LHPP: variants seen among roughly 807,000 people sequenced by gnomAD.
LHPP encodes phospholysine phosphohistidine inorganic pyrophosphate phosphatase, also known as hLHPP.
A neutral mutation model predicts 30.3 loss-of-function variants in LHPP; 24 were observed. The ratio of observed to expected loss-of-function variants is 0.79; its 90% CI spans 0.57 to 1.11. LHPP has a LOEUF of 1.11. Among genes scored for constraint, LHPP ranks in the 50% most tolerant of loss-of-function variants. The probability of loss-of-function intolerance (pLI) is 0.00; values close to 1 mark genes in which losing one functional copy is unlikely to be tolerated. For missense variants in LHPP, 356 were observed against 367.2 expected (o/e 0.97, Z 0.25); for synonymous variants, 150 against 157.1 (o/e 0.95, Z 0.34).
chr10:124,480,075 G>A (rs547739112), intron 1 of LHPP, among the ~76,000 whole-genome samples: 1 of 152,316 alleles, frequency 6.6e-6, no homozygotes, highest in East Asian at 1.9e-4. Flanking sequence ...GCAAGGCTCA[G>A]TATAATGTTG....
intron 1 of LHPP, among the ~76,000 whole-genome samples, chr10:124,482,992 G>A (rs1953190965): frequency 6.6e-6 from 1 of 152,218 alleles, no homozygotes; most frequent in African/African-American, 2.4e-5. Context: ...CAGGCACGTA[G>A]TAGGCGCTCA....
intron 1 of LHPP, among the ~76,000 whole-genome samples, chr10:124,464,194 A>C (rs1952493193): frequency 6.6e-6 from 1 of 152,210 alleles, no homozygotes; most frequent in African/African-American, 2.4e-5. Flanking sequence ...ATCCCAGGTC[A>C]GCACTGCCAT....
chr10:124,546,549 CCTG>C (rs1955347291), intron 6 of LHPP, among the ~76,000 whole-genome samples: 1 of 152,118 alleles, frequency 6.6e-6, no homozygotes, highest in Non-Finnish European at 1.5e-5. Context: ...ACTACAGGTG[CCTG>C]CCACCACGCC....
At position 124,537,707 on chromosome 10, in the gene LHPP, C is replaced by G. The variant is rs575360593; in HGVS notation, c.716+20436C>G. 1.6e-4 allele frequency among the ~76,000 whole-genome samples: 25 copies of G among 152,372 alleles called. No individual in the cohort carries two copies. The South Asian group carries it at 5.0e-3, about 30-fold the overall frequency. ...GCCAGAAAGCCAGGTGGCCCAGGAG[C>G]TGGCTTCCCCATTTCCTGCTCCTGT... On this transcript the variant is annotated intron_variant, in intron 6 of 6. Transcript: ENST00000368842.
intron 1 of LHPP, among the ~76,000 whole-genome samples, chr10:124,473,302 C>T (rs1360619228): frequency 2.0e-5 from 3 of 152,168 alleles, no homozygotes; most frequent in African/African-American, 4.8e-5. Flanking sequence ...ATTTCCCAGG[C>T]CCCCGGCAAC....
chr10:124,610,443 C>CGGGTGAGGGTGAGGGTGA (rs759692287), intron 6 of LHPP, among the ~76,000 whole-genome samples: 1 of 42,920 alleles, frequency 2.3e-5, no homozygotes, highest in East Asian at 6.9e-4. Flanking sequence ...GCTGATGCAG[C>CGGGTGAGGGTGAGGGTGA]GGGTGAGGGT....
At chr10:124,611,876 C>A (rs1208064500) in intron 6 of LHPP, among the ~76,000 whole-genome samples, 2 of 152,206 alleles carry the variant, frequency 1.3e-5, no homozygotes, top group South Asian at 4.1e-4. Context: ...GCGCTGCTGC[C>A]GGGAGACTGT....
At chr10:124,535,296 C>G (rs1954996543) in intron 6 of LHPP, among the ~76,000 whole-genome samples, 1 of 152,196 alleles carries the variant, frequency 6.6e-6, no homozygotes, top group African/African-American at 2.4e-5. Context: ...GCCTTTGAAC[C>G]CTGGGAGTCG....
At chr10:124,567,232 T>C (rs1360323751) in intron 6 of LHPP, among the ~76,000 whole-genome samples, 1 of 152,246 alleles carries the variant, frequency 6.6e-6, no homozygotes, top group African/African-American at 2.4e-5. Flanking sequence ...AAGCTCCAGG[T>C]GGGCAGGCCT....
chr10:124,570,201 C>G (rs181308289), intron 6 of LHPP, among the ~76,000 whole-genome samples: 1,736 of 152,314 alleles, frequency 0.011, 147 homozygotes, highest in Admixed American at 0.11. Flanking sequence ...TCTCTGTCCC[C>G]ATGGCACCCA....
chr10:124,546,961 C>T (rs540609287), intron 6 of LHPP, among the ~76,000 whole-genome samples: 7 of 152,284 alleles, frequency 4.6e-5, no homozygotes, highest in South Asian at 4.2e-4. Context: ...GCACCTCTCC[C>T]GCTCTTAACC....
intron 6 of LHPP, among the ~76,000 whole-genome samples, chr10:124,521,503 A>G (rs377536974): frequency 3.1e-4 from 47 of 152,324 alleles, no homozygotes; most frequent in Middle Eastern, 3.4e-3. Context: ...ACAGGGGCCA[A>G]TGACCACTGG....
intron 5 of LHPP, among the ~76,000 whole-genome samples, chr10:124,504,853 G>A (rs73365862): frequency 0.13 from 19,916 of 152,106 alleles, 1,686 homozygotes; most frequent in East Asian, 0.27. Context: ...CCTCATGGGG[G>A]TCTGGTGAAT....
intron 6 of LHPP, among the ~76,000 whole-genome samples, chr10:124,602,415 A>G (rs1399810978): frequency 6.6e-6 from 1 of 152,240 alleles, no homozygotes; most frequent in African/African-American, 2.4e-5. Context: ...TCTGCTAGCT[A>G]GAGGAGCCTC....
At chr10:124,490,260 C>A in intron 3 of LHPP, 1 of 197,960 alleles carries the variant, frequency 5.1e-6, no homozygotes, top group South Asian at 8.2e-5. Context: ...ACGCTCCAGA[C>A]CTTTAGGCCG....
Position 124,498,071 on chromosome 10 carries a change from GC to G in LHPP, c.569del (p.Pro190LeufsTer13). 1.2e-6 allele frequency: 2 copies of G among 1,614,234 alleles called. No homozygotes were observed. The highest frequency in any genetic ancestry group is 1.7e-6 in the Non-Finnish European group (2 of 1,180,038). On this transcript the variant is annotated frameshift_variant, in exon 5 of 7. Coordinates refer to ENST00000368842, the MANE Select transcript of LHPP (RefSeq NM_022126.4). LOFTEE classifies it high-confidence loss of function. ...CGIKAEVVGK[P>X]SPEFFKSALQ... ...GCATCAAAGCCGAGGTGGTGGGGAAGCCTTCTCCTGAGTTTTTCAAGTCTGC... is the reference window on the plus strand; with the variant it reads ...GCATCAAAGCCGAGGTGGTGGGGAAGCTTCTCCTGAGTTTTTCAAGTCTGC...
chr10:124,548,677 A>G (rs1955410065), intron 6 of LHPP, among the ~76,000 whole-genome samples: 1 of 152,182 alleles, frequency 6.6e-6, no homozygotes, highest in African/African-American at 2.4e-5. Context: ...CCACCTCGGG[A>G]TCAAGAGTCC....
intron 1 of LHPP, among the ~76,000 whole-genome samples, chr10:124,481,844 C>T (rs1953147441): frequency 6.6e-6 from 1 of 152,204 alleles, no homozygotes; most frequent in Non-Finnish European, 1.5e-5. Flanking sequence ...CTGCCCTTTC[C>T]TGCCATCTCC....
chr10:124,582,273 G>A (rs1948753137), intron 6 of LHPP, among the ~76,000 whole-genome samples: 1 of 151,980 alleles, frequency 6.6e-6, no homozygotes, highest in Non-Finnish European at 1.5e-5. Context: ...TTATAGAGAT[G>A]GGATCTTGCT....
Sources: gnomAD v4.1 joint callset for allele counts (sites outside exome capture counted in the v4.1 genomes callset) on GRCh38, gnomAD v4.1.1 for gene constraint, MANE v1.5 for transcripts, NCBI Gene and HGNC (gene_info 2026-07-23, HGNC 2026-07-21) for gene names.